Variants in NCOA7 observed in about 807,000 individuals in gnomAD.
The protein encoded by NCOA7 is 140 kDa estrogen receptor-associated protein.
Under a neutral mutation model 104.3 loss-of-function variants are expected in NCOA7, and 45 were observed. The observed-to-expected ratio is 0.43, with a 90% confidence interval of 0.34 to 0.55. The LOEUF is 0.55. Ranked by LOEUF, NCOA7 falls within the 20% of genes least tolerant of loss-of-function variation. NCOA7 has a pLI of 0.02. For missense variants in NCOA7, 1,041 were observed against 1,119.7 expected (o/e 0.93, Z 1.00); for synonymous variants, 398 against 402.3 (o/e 0.99, Z 0.13).
intron 2 of NCOA7, among the ~76,000 whole-genome samples, chr6:125,819,696 G>C (rs996453105): frequency 6.6e-6 from 1 of 152,142 alleles, no homozygotes; most frequent in African/African-American, 2.4e-5. Flanking sequence ...GCTATCCTCT[G>C]GGGTGACTAT....
intron 13 of NCOA7, among the ~76,000 whole-genome samples, chr6:125,925,569 C>T (rs1031288307): frequency 1.3e-4 from 20 of 152,150 alleles, no homozygotes; most frequent in African/African-American, 3.6e-4. Context: ...AAATGTTACT[C>T]CTATTTTGCT....
At chr6:125,907,030 G>C (rs950639255) in intron 10 of NCOA7, among the ~76,000 whole-genome samples, 1 of 152,186 alleles carries the variant, frequency 6.6e-6, no homozygotes, top group Non-Finnish European at 1.5e-5. Context: ...AGAGGACTTA[G>C]AACTTAAGTA....
chr6:125,924,821 G>A (rs1787887179), intron 13 of NCOA7, among the ~76,000 whole-genome samples: 1 of 152,126 alleles, frequency 6.6e-6, no homozygotes, highest in Non-Finnish European at 1.5e-5. Context: ...CAAGAAGATG[G>A]GGCACTCTCT....
intron 2 of NCOA7, among the ~76,000 whole-genome samples, chr6:125,824,116 C>T (rs1261910229): frequency 6.6e-6 from 1 of 152,046 alleles, no homozygotes; most frequent in African/African-American, 2.4e-5. Flanking sequence ...ATCTAACACA[C>T]ATTGGCTGAT....
intron 2 of NCOA7, among the ~76,000 whole-genome samples, chr6:125,852,659 T>C (rs1200945520): frequency 1.3e-5 from 2 of 152,208 alleles, no homozygotes; most frequent in Non-Finnish European, 1.5e-5. Flanking sequence ...CTTTATTGAA[T>C]AGAGTTTCCT....
chr6:125,920,646 TCTTCCTC>T (rs1217914588), intron 11 of NCOA7, among the ~76,000 whole-genome samples: 1 of 152,226 alleles, frequency 6.6e-6, no homozygotes, highest in Non-Finnish European at 1.5e-5. Context: ...GCTCAAGCCA[TCTTCCTC>T]CTGCCTTGGC....
Position 125,890,628 on chromosome 6 carries a change from CGT to C in NCOA7, c.1928-8_1928-7del. 1 of 1,590,462 alleles carries C rather than the reference CGT, an allele frequency of 6.3e-7. No individual in the cohort carries two copies. On this transcript the variant is annotated splice_polypyrimidine_tract_variant and intron_variant, in intron 9 of 15. Coordinates refer to ENST00000392477, the MANE Select transcript of NCOA7 (RefSeq NM_181782.5). The stretch of plus-strand genomic sequence containing the variant: ...TGTCAATATTGAGGAACAGTTTTTT[CGT>C]GTGTGATTCAGATATACTTCCTTCA...
In NCOA7 at chr6:125,889,186, A is replaced by C. The variant is rs1425665545; in HGVS notation, c.1132A>C (p.Arg378=). ...SEKLKKLDSS[R]ETSHGSPTVT... ...GAAATTAAAGAAACTGGACTCCTCT[A>C]GGGAGACATCCCATGGTTCTCCCAC... The change falls in exon 9 of 16, where the codon AGG becomes CGG. Residue 378 remains arginine, a synonymous_variant. Coordinates refer to ENST00000392477, the MANE Select transcript of NCOA7 (RefSeq NM_181782.5). The C allele has an allele frequency of 1.2e-6, 2 of 1,614,084 alleles. No individual in the cohort carries two copies.
chr6:125,924,306 C>T (rs900745119), intron 13 of NCOA7, among the ~76,000 whole-genome samples: 6 of 152,202 alleles, frequency 3.9e-5, no homozygotes, highest in Admixed American at 6.5e-5. Context: ...ACCAAACTTC[C>T]TGTGCGATTT....
intron 3 of NCOA7, among the ~76,000 whole-genome samples, chr6:125,863,388 C>A (rs1256045718): frequency 3.6e-5 from 5 of 138,560 alleles, no homozygotes; most frequent in Non-Finnish European, 7.7e-5. Flanking sequence ...AGCTTGAACT[C>A]AGAGTTTAGT....
At chr6:125,853,663 AC>A (rs1781310905) in intron 2 of NCOA7, among the ~76,000 whole-genome samples, 1 of 152,124 alleles carries the variant, frequency 6.6e-6, no homozygotes. Flanking sequence ...CATTTTTCTT[AC>A]CATGCTTAGT....
chr6:125,891,683 A>G (rs894314589), intron 10 of NCOA7, among the ~76,000 whole-genome samples: 1 of 152,212 alleles, frequency 6.6e-6, no homozygotes, highest in Non-Finnish European at 1.5e-5. Flanking sequence ...GCAAGAGTGC[A>G]CCTTCTGGCT....
At chr6:125,855,759 C>T (rs2128620565) in intron 3 of NCOA7, among the ~76,000 whole-genome samples, 2 of 152,128 alleles carry the variant, frequency 1.3e-5, no homozygotes, top group Middle Eastern at 3.4e-3. Flanking sequence ...TCTCGGCTCA[C>T]TGCAACCTCT....
chr6:125,888,269 A>G (rs916339474), intron 8 of NCOA7, among the ~76,000 whole-genome samples: 1 of 152,174 alleles, frequency 6.6e-6, no homozygotes, highest in Non-Finnish European at 1.5e-5. Context: ...TTTAGATAAG[A>G]TTTACTTTTC....
At chr6:125,792,309 A>G (rs569216303) in intron 1 of NCOA7, among the ~76,000 whole-genome samples, 76 of 152,356 alleles carry the variant, frequency 5.0e-4, no homozygotes, top group African/African-American at 1.7e-3. Flanking sequence ...ACCATATGCT[A>G]TCTTTCTGTA....
At position 125,840,868 on chromosome 6, in the gene NCOA7, G is replaced by GTTTT. The variant is rs57168444; in HGVS notation, c.51-14113_51-14110dup. ...TTTTATGGTTTTTTTTGTTTGGTTG[G>GTTTT]TTTTTTTTTTTTTTTTTTTTTTTTT... On this transcript the variant is annotated intron_variant, in intron 2 of 15. Coordinates refer to ENST00000392477, the MANE Select transcript of NCOA7 (RefSeq NM_181782.5). Among the ~76,000 whole-genome samples the GTTTT allele has an allele frequency of 1.5e-3, 62 of 40,374 alleles. 6 individuals are homozygous for GTTTT. The highest frequency in any genetic ancestry group is 2.2e-3 in the Non-Finnish European group (51 of 23,448). 26.5% of individuals were successfully genotyped at this position (40,374 alleles called of 152,430 possible).
chr6:125,807,972 G>A (rs1776612406), intron 1 of NCOA7, among the ~76,000 whole-genome samples: 1 of 152,126 alleles, frequency 6.6e-6, no homozygotes, highest in Non-Finnish European at 1.5e-5. Context: ...GCAGACAAGA[G>A]AAATCTATCA....
chr6:125,851,588 G>A (rs747628302), intron 2 of NCOA7, among the ~76,000 whole-genome samples: 10 of 152,186 alleles, frequency 6.6e-5, no homozygotes, highest in Non-Finnish European at 1.5e-4. Context: ...TTCGTATAAT[G>A]ACTGTTTTTC....
intron 3 of NCOA7, 144 bp downstream of exon 3, chr6:125,855,384 A>G (rs1229052670): frequency 1.6e-6 from 1 of 626,864 alleles, no homozygotes; most frequent in African/African-American, 1.8e-5. Context: ...CTTTACATAC[A>G]TAATCTTGTG....
Sources: allele counts gnomAD v4.1 joint callset (sites outside exome capture counted in the v4.1 genomes callset), GRCh38; gene constraint gnomAD v4.1.1; transcripts MANE v1.5; gene names NCBI Gene and HGNC (gene_info 2026-07-23, HGNC 2026-07-21).